Variants in LRRTM4 observed in about 807,000 individuals in gnomAD.
The protein encoded by LRRTM4 is leucine rich repeat transmembrane neuronal 4.
In LRRTM4, 25 loss-of-function variants were observed where a neutral mutation model predicts 47.6. The ratio of observed to expected loss-of-function variants is 0.53; its 90% CI spans 0.38 to 0.73. LRRTM4 has a LOEUF of 0.73. Ranked by LOEUF, LRRTM4 falls within the 30% of genes least tolerant of loss-of-function variation. The pLI is 0.00. For missense variants in LRRTM4, 638 were observed against 713.4 expected, an observed-to-expected ratio of 0.89 and a Z score of 1.20; for synonymous variants, 311 against 269.5, an observed-to-expected ratio of 1.15 and a Z score of -1.51.
chr2:77,197,321 T>A (rs1034175160), intron 3 of LRRTM4, among the ~76,000 whole-genome samples: 14 of 152,150 alleles, frequency 9.2e-5, no homozygotes, highest in Admixed American at 6.6e-4. Flanking sequence ...CATAGTAAGA[T>A]ATATTAGTGA....
intron 3 of LRRTM4, among the ~76,000 whole-genome samples, chr2:77,113,214 G>A (rs1463256940): frequency 6.6e-6 from 1 of 152,082 alleles, no homozygotes; most frequent in South Asian, 2.1e-4. Flanking sequence ...CTGCAGACGG[G>A]CCTCCTCTGA....
intron 3 of LRRTM4, among the ~76,000 whole-genome samples, chr2:76,845,823 C>G (rs1472990733): frequency 6.6e-6 from 1 of 152,022 alleles, no homozygotes; most frequent in African/African-American, 2.4e-5. Context: ...CTGAACACAA[C>G]TCTGGTTCAA....
chr2:77,077,784 A>T (rs573898548), intron 3 of LRRTM4, among the ~76,000 whole-genome samples: 1 of 152,196 alleles, frequency 6.6e-6, no homozygotes, highest in Admixed American at 6.5e-5. Context: ...TGTGTGGAAC[A>T]TACCCAACAA....
intron 3 of LRRTM4, among the ~76,000 whole-genome samples, chr2:77,314,392 T>C (rs1386099857): frequency 6.6e-6 from 1 of 152,192 alleles, no homozygotes; most frequent in Non-Finnish European, 1.5e-5. Flanking sequence ...AAAATGCATA[T>C]CAACAGAGAG....
intron 3 of LRRTM4, among the ~76,000 whole-genome samples, chr2:77,031,498 T>A (rs1431687108): frequency 3.9e-5 from 6 of 152,172 alleles, no homozygotes; most frequent in African/African-American, 1.2e-4. Flanking sequence ...AAAATACACA[T>A]TGTTCTACTG....
At chr2:76,885,815 A>G (rs1673058644) in intron 3 of LRRTM4, among the ~76,000 whole-genome samples, 1 of 152,136 alleles carries the variant, frequency 6.6e-6, no homozygotes, top group South Asian at 2.1e-4. Flanking sequence ...AGCCTGTGGG[A>G]ATTTTATGAA....
intron 3 of LRRTM4, among the ~76,000 whole-genome samples, chr2:77,439,217 A>G (rs963247711): frequency 2.0e-5 from 3 of 152,174 alleles, no homozygotes; most frequent in African/African-American, 4.8e-5. Flanking sequence ...AAATCAAATG[A>G]AATAATTTCC....
intron 3 of LRRTM4, among the ~76,000 whole-genome samples, chr2:77,509,865 T>C (rs1020742213): frequency 6.6e-6 from 1 of 152,154 alleles, no homozygotes; most frequent in East Asian, 1.9e-4. Context: ...GCTTCAAATC[T>C]AAGACCTCTT....
chr2:77,206,039 ACTATGTTGCCCAGG>A (rs972414021), intron 3 of LRRTM4, among the ~76,000 whole-genome samples: 2 of 151,882 alleles, frequency 1.3e-5, no homozygotes, highest in African/African-American at 4.8e-5. Flanking sequence ...GCAGGGTATC[ACTATGTTGCCCAGG>A]CTGTTCTTGA....
At chr2:76,891,237 A>G (rs1673244068) in intron 3 of LRRTM4, among the ~76,000 whole-genome samples, 1 of 151,636 alleles carries the variant, frequency 6.6e-6, no homozygotes, top group Non-Finnish European at 1.5e-5. Flanking sequence ...ATCTTTAGTT[A>G]ATTATAATAA....
At chr2:77,281,227 T>C (rs575550952) in intron 3 of LRRTM4, among the ~76,000 whole-genome samples, 18 of 151,930 alleles carry the variant, frequency 1.2e-4, no homozygotes, top group African/African-American at 4.3e-4. Flanking sequence ...CTTGTGATAA[T>C]AGGTCTTGCA....
intron 3 of LRRTM4, among the ~76,000 whole-genome samples, chr2:77,488,944 A>C (rs2104038520): frequency 6.6e-6 from 1 of 151,938 alleles, no homozygotes; most frequent in Non-Finnish European, 1.5e-5. Context: ...GCACATGTAT[A>C]CATATGTAAC....
At chr2:76,890,914 A>G (rs187285581) in intron 3 of LRRTM4, among the ~76,000 whole-genome samples, 7 of 151,910 alleles carry the variant, frequency 4.6e-5, no homozygotes, top group African/African-American at 1.7e-4. Flanking sequence ...AGTTGCAGAA[A>G]TTGGAGGAAA....
At chr2:77,506,295 A>G (rs932162261) in intron 3 of LRRTM4, among the ~76,000 whole-genome samples, 1 of 151,754 alleles carries the variant, frequency 6.6e-6, no homozygotes, top group African/African-American at 2.4e-5. Flanking sequence ...TTTTAAATTA[A>G]GAAGTAAATG....
At chr2:76,841,337 A>T (rs1247223169) in intron 3 of LRRTM4, among the ~76,000 whole-genome samples, 2 of 151,820 alleles carry the variant, frequency 1.3e-5, no homozygotes, top group East Asian at 3.9e-4. Flanking sequence ...ATGACGAGTT[A>T]ATGGGTGCAG....
chr2:77,373,329 G>T (rs896677880), intron 3 of LRRTM4, among the ~76,000 whole-genome samples: 1 of 151,136 alleles, frequency 6.6e-6, no homozygotes, highest in African/African-American at 2.4e-5. Flanking sequence ...ACTTAAATAT[G>T]TTTTCTGAAA....
At chr2:77,040,879 A>G (rs1460878154) in intron 3 of LRRTM4, among the ~76,000 whole-genome samples, 2 of 151,520 alleles carry the variant, frequency 1.3e-5, no homozygotes, top group African/African-American at 4.8e-5. Flanking sequence ...TGTAATTATC[A>G]AATTAGGATA....
intron 3 of LRRTM4, among the ~76,000 whole-genome samples, chr2:76,939,507 G>A (rs556663880): frequency 3.8e-4 from 58 of 151,874 alleles, no homozygotes; most frequent in Middle Eastern, 3.4e-3. Flanking sequence ...ATTCCTGGTT[G>A]GAAAGCTCCC....
intron 3 of LRRTM4, among the ~76,000 whole-genome samples, chr2:77,112,318 T>A (rs1671272624): frequency 6.6e-6 from 1 of 152,214 alleles, no homozygotes; most frequent in African/African-American, 2.4e-5. Flanking sequence ...TTTTCTTGAA[T>A]AACCAAGAAA....
Sources: allele counts gnomAD v4.1 joint callset (sites outside exome capture counted in the v4.1 genomes callset), GRCh38; gene constraint gnomAD v4.1.1; transcripts MANE v1.5; gene names NCBI Gene and HGNC (gene_info 2026-07-23, HGNC 2026-07-21).